The following STXBP5L variants were observed in gnomAD, a reference collection of about 807,000 sequenced individuals.
STXBP5L encodes syntaxin-binding protein 5-like.
STXBP5L carries 65 observed loss-of-function variants against 144.5 expected under a neutral mutation model. That is an observed-to-expected ratio of 0.45 (90% CI 0.37 to 0.55). STXBP5L has a LOEUF of 0.55. STXBP5L is among the 20% of genes least tolerant of loss of function. STXBP5L has a pLI of 0.00. For missense variants in STXBP5L, 1,298 were observed against 1,405.5 expected, an observed-to-expected ratio of 0.92 and a Z score of 1.22; for synonymous variants, 505 against 469.6, an observed-to-expected ratio of 1.08 and a Z score of -0.97.
In STXBP5L at chr3:121,421,268, G is replaced by A. The variant is rs2047347354; in HGVS notation, c.*2171G>A. ...TAGAAATAATGAAATTCAGTCCAAAGTAGCAGTACATTTGATGAGTATTTC... is the reference window on the plus strand; with the variant it reads ...TAGAAATAATGAAATTCAGTCCAAAATAGCAGTACATTTGATGAGTATTTC... On this transcript the variant is annotated 3_prime_UTR_variant, in exon 27 of 27. Transcript: ENST00000471454. The A allele has an allele frequency of 6.6e-6, 1 of 152,034 alleles. No homozygotes were observed. The highest frequency in any genetic ancestry group is 2.1e-4 in the South Asian group (1 of 4,824). 9.4% of individuals were successfully genotyped at this position (152,034 alleles called of 1,614,324 possible). A position where few individuals can be genotyped will look rare whatever the true frequency, so the allele number is the denominator to read the frequency against.
chr3:121,387,251 T>A (rs1379178890), intron 22 of STXBP5L, among the ~76,000 whole-genome samples: 3 of 152,182 alleles, frequency 2.0e-5, no homozygotes, highest in Admixed American at 2.0e-4. Context: ...TTGATGGGGT[T>A]GCTTGGTTTT....
At chr3:121,105,594 A>G (rs1479328997) in intron 5 of STXBP5L, among the ~76,000 whole-genome samples, 1 of 152,136 alleles carries the variant, frequency 6.6e-6, no homozygotes, top group Non-Finnish European at 1.5e-5. Context: ...AAACACTTCT[A>G]CACTGTTGGT....
chr3:120,925,345 T>C (rs1408153813), intron 2 of STXBP5L, among the ~76,000 whole-genome samples: 4 of 152,176 alleles, frequency 2.6e-5, no homozygotes, highest in African/African-American at 9.7e-5. Context: ...AGCTCTCGTG[T>C]TGGGTGCGTT....
At chr3:121,145,721 G>A (rs951254928) in intron 7 of STXBP5L, among the ~76,000 whole-genome samples, 4 of 151,960 alleles carry the variant, frequency 2.6e-5, no homozygotes, top group African/African-American at 9.7e-5. Context: ...TTGGGATGAC[G>A]TTCACTAAAT....
At chr3:121,216,565 T>C (rs1326856019) in intron 10 of STXBP5L, among the ~76,000 whole-genome samples, 1 of 152,106 alleles carries the variant, frequency 6.6e-6, no homozygotes, top group African/African-American at 2.4e-5. Flanking sequence ...AGCTTCGTCT[T>C]AGAGGGACAC....
chr3:121,407,250 C>G lies in STXBP5L; in HGVS notation c.2595C>G (p.Phe865Leu). The G allele has an allele frequency of 6.4e-7, 1 of 1,558,372 alleles. No individual in the cohort carries two copies. The highest frequency in any genetic ancestry group is 8.7e-7 in the Non-Finnish European group (1 of 1,155,036). ...EPVMVLPSGT[F>L]LSLKGAVLTF... ...GTCCAATTGTTTTTATAGGTACATT[C>G]CTCTCATTGAAAGGAGCTGTGCTAA... The change falls in exon 23 of 27, where the codon TTC becomes TTG. Residue 865 changes from phenylalanine to leucine, a missense_variant. Physicochemically the swap from Phe to Leu is conservative, Grantham distance 22. Transcript: ENST00000471454.
chr3:120,916,589 C>A (rs897449218), intron 2 of STXBP5L, among the ~76,000 whole-genome samples: 6 of 152,162 alleles, frequency 3.9e-5, no homozygotes, highest in Admixed American at 2.0e-4. Context: ...CCGTGAGCCA[C>A]CGCACCTGGC....
chr3:121,335,622 A>G (rs1037848342), intron 20 of STXBP5L, among the ~76,000 whole-genome samples: 7 of 152,286 alleles, frequency 4.6e-5, no homozygotes, highest in African/African-American at 1.7e-4. Context: ...AATTGAACAG[A>G]ATAGAGAGCC....
chr3:121,285,037 A>G lies in STXBP5L; in HGVS notation c.2110+5081A>G, dbSNP rs115429416. ...GATAATATAATCTGATTATATTTCTATAGTCTCACTTTATTATAGTAGACA... is the reference window on the plus strand; with the variant it reads ...GATAATATAATCTGATTATATTTCTGTAGTCTCACTTTATTATAGTAGACA... On this transcript the variant is annotated intron_variant, in intron 19 of 26. Transcript: ENST00000471454. Among the ~76,000 whole-genome samples the G allele has an allele frequency of 4.3e-3, 647 of 152,214 alleles. 9 individuals are homozygous for G. Among genetic ancestry groups the G allele is most frequent in the African/African-American group, 0.015 (604 of 41,568 alleles).
intron 5 of STXBP5L, among the ~76,000 whole-genome samples, chr3:121,067,410 T>C (rs1448687220): frequency 6.6e-6 from 1 of 152,144 alleles, no homozygotes; most frequent in Non-Finnish European, 1.5e-5. Context: ...TATTTAGAAG[T>C]TAATTAGTTT....
rs1353889283 is a variant in STXBP5L, at chr3:120,987,406, T to C, written c.287+32369T>C. On this transcript the variant is annotated intron_variant, in intron 3 of 26. Coordinates refer to ENST00000471454, the MANE Select transcript of STXBP5L (RefSeq NM_001308330.2). Reference sequence around the variant, plus strand: ...GAATAAACATGTTATTTGCCATCTGTATAATATCTTCCTTGAAATATGTAT... The same window carrying C: ...GAATAAACATGTTATTTGCCATCTGCATAATATCTTCCTTGAAATATGTAT... Among the ~76,000 whole-genome samples, 3 of 151,992 alleles carry C rather than the reference T, an allele frequency of 2.0e-5. No homozygotes were observed. In the East Asian group the frequency reaches 5.8e-4, roughly 29 times the overall value.
chr3:121,021,618 C>A (rs1945560404), intron 3 of STXBP5L, among the ~76,000 whole-genome samples: 1 of 152,082 alleles, frequency 6.6e-6, no homozygotes, highest in Non-Finnish European at 1.5e-5. Context: ...AAGGAACCCT[C>A]AAAACCATGC....
At chr3:121,207,946 C>A (rs2048402405) in intron 10 of STXBP5L, among the ~76,000 whole-genome samples, 1 of 152,084 alleles carries the variant, frequency 6.6e-6, no homozygotes, top group Admixed American at 6.5e-5. Flanking sequence ...GGATCTAGTA[C>A]TAGAAATACC....
At chr3:121,018,066 G>T (rs1945268676) in intron 3 of STXBP5L, among the ~76,000 whole-genome samples, 1 of 151,794 alleles carries the variant, frequency 6.6e-6, no homozygotes, top group Non-Finnish European at 1.5e-5. Context: ...GTGACAGAGG[G>T]AGGCCCTTTT....
At chr3:121,346,281 C>G (rs1187273444) in intron 20 of STXBP5L, among the ~76,000 whole-genome samples, 2 of 152,032 alleles carry the variant, frequency 1.3e-5, no homozygotes, top group South Asian at 4.1e-4. Flanking sequence ...AGGACATGAA[C>G]TCATCATTTT....
chr3:121,005,020 G>A (rs918400923), intron 3 of STXBP5L, among the ~76,000 whole-genome samples: 4 of 151,954 alleles, frequency 2.6e-5, no homozygotes, highest in Non-Finnish European at 2.9e-5. Flanking sequence ...CTCTTTTTTG[G>A]TTGTGTCTCT....
In STXBP5L at chr3:121,254,869, G is replaced by A. The variant is rs544043094; in HGVS notation, c.1442-26G>A. On this transcript the variant is annotated intron_variant, in intron 15 of 26. Coordinates refer to ENST00000471454, the MANE Select transcript of STXBP5L (RefSeq NM_001308330.2). ...TCTAAGAATTAAGTTTAAATTAGAA[G>A]ATAACTGTGCTTCGATGTCTTATAG... The A allele has an allele frequency of 3.8e-5, 58 of 1,537,926 alleles. No individual in the cohort carries two copies. The South Asian group carries it at 6.0e-4, about 16-fold the overall frequency.
At chr3:121,134,559 C>T (rs1196614530) in intron 7 of STXBP5L, among the ~76,000 whole-genome samples, 2 of 152,006 alleles carry the variant, frequency 1.3e-5, no homozygotes, top group African/African-American at 4.8e-5. Context: ...TCCCCCCTTC[C>T]CCCACCCCAT....
At chr3:121,394,795 CA>C (rs1279230899) in intron 22 of STXBP5L, among the ~76,000 whole-genome samples, 1 of 151,868 alleles carries the variant, frequency 6.6e-6, no homozygotes, top group Non-Finnish European at 1.5e-5. Context: ...TTAGTAGAGA[CA>C]GGGTTTCACA....
Sources: allele counts gnomAD v4.1 joint callset (sites outside exome capture counted in the v4.1 genomes callset), GRCh38; gene constraint gnomAD v4.1.1; transcripts MANE v1.5; gene names NCBI Gene and HGNC (gene_info 2026-07-23, HGNC 2026-07-21).